CDH13: variants seen among roughly 807,000 people sequenced by gnomAD.
CDH13 encodes cadherin-13.
In CDH13, 24 loss-of-function variants were observed where a neutral mutation model predicts 63.8. That is an observed-to-expected ratio of 0.38 (90% CI 0.27 to 0.53). The LOEUF (loss-of-function observed/expected upper bound fraction) is 0.53, where lower values mean the gene tolerates loss of function less well. Among genes scored for constraint, CDH13 ranks in the 20% least tolerant of loss-of-function variants. The probability of loss-of-function intolerance (pLI) is 0.85; values close to 1 mark genes in which losing one functional copy is unlikely to be tolerated. For missense variants in CDH13, 1,049 were observed against 903.1 expected (o/e 1.16, Z -2.07); for synonymous variants, 503 against 355.3 (o/e 1.42, Z -4.67).
chr16:83,625,495 G>A (rs141132038), intron 8 of CDH13, among the ~76,000 whole-genome samples: 29 of 152,248 alleles, frequency 1.9e-4, no homozygotes, highest in African/African-American at 6.5e-4. Flanking sequence ...GCTGAGAGCC[G>A]AGCCTGTTAC....
intron 10 of CDH13, among the ~76,000 whole-genome samples, chr16:83,743,748 C>CCTTTTTTTTT (rs1912280138): frequency 3.9e-5 from 3 of 76,262 alleles, no homozygotes; most frequent in African/African-American, 1.7e-4. Flanking sequence ...TTTCTTTTTT[C>CCTTTTTTTTT]TTTTTTTTTT....
intron 7 of CDH13, among the ~76,000 whole-genome samples, chr16:83,556,968 C>A (rs143098177): frequency 1.1e-4 from 17 of 152,282 alleles, no homozygotes; most frequent in African/African-American, 4.1e-4. Flanking sequence ...CATAAGGGGT[C>A]CCCGACCCCC....
At chr16:83,742,274 C>T (rs1260855812) in intron 10 of CDH13, among the ~76,000 whole-genome samples, 2 of 152,290 alleles carry the variant, frequency 1.3e-5, no homozygotes, top group South Asian at 2.1e-4. Context: ...GCCCCAGTAA[C>T]CCCCACTGCG....
chr16:83,556,434 G>A (rs1413310635), intron 7 of CDH13, among the ~76,000 whole-genome samples: 2 of 152,174 alleles, frequency 1.3e-5, no homozygotes, highest in African/African-American at 2.4e-5. Context: ...CAAGCAGGAT[G>A]CAAAGCAGGA....
intron 1 of CDH13, among the ~76,000 whole-genome samples, chr16:82,760,490 A>T (rs1381554263): frequency 1.3e-5 from 2 of 152,074 alleles, no homozygotes; most frequent in Non-Finnish European, 2.9e-5. Flanking sequence ...GCATTACAAC[A>T]CCTTACTTTA....
At chr16:82,970,150 C>A (rs536833115) in intron 2 of CDH13, among the ~76,000 whole-genome samples, 4 of 152,000 alleles carry the variant, frequency 2.6e-5, no homozygotes, top group Non-Finnish European at 5.9e-5. Flanking sequence ...TATCGTTCAC[C>A]TCCCACTCAG....
At chr16:82,930,500 G>A (rs531370628) in intron 2 of CDH13, among the ~76,000 whole-genome samples, 6 of 151,988 alleles carry the variant, frequency 3.9e-5, no homozygotes, top group East Asian at 3.9e-4. Flanking sequence ...GTTTGTATAC[G>A]GATGCCAAAT....
chr16:83,069,864 A>T (rs2032306524), intron 3 of CDH13, among the ~76,000 whole-genome samples: 1 of 152,216 alleles, frequency 6.6e-6, no homozygotes, highest in Non-Finnish European at 1.5e-5. Flanking sequence ...GAGGAAAACA[A>T]ACCATTTGAA....
rs573640954 is a variant in CDH13, at chr16:83,267,796, C to G, written c.636+50299C>G. Among the ~76,000 whole-genome samples, 8 of 152,284 alleles carry G rather than the reference C, an allele frequency of 5.3e-5. 1 individual carries two copies. Among genetic ancestry groups the G allele is most frequent in the Middle Eastern group, 6.8e-3 (2 of 294 alleles). On this transcript the variant is annotated intron_variant, in intron 5 of 13. Coordinates refer to ENST00000567109, the MANE Select transcript of CDH13 (RefSeq NM_001257.5). ...TTTTTTTCATTAGAAATGACCCAGTCATTTTATTTAACAAGATATTATGTT... is the reference window on the plus strand; with the variant it reads ...TTTTTTTCATTAGAAATGACCCAGTGATTTTATTTAACAAGATATTATGTT...
intron 2 of CDH13, among the ~76,000 whole-genome samples, chr16:82,899,864 T>C (rs1404614930): frequency 6.6e-6 from 1 of 152,224 alleles, no homozygotes; most frequent in Non-Finnish European, 1.5e-5. Flanking sequence ...TTCTCCATAA[T>C]AGGCCCATGA....
intron 6 of CDH13, among the ~76,000 whole-genome samples, chr16:83,462,452 A>T (rs1279913290): frequency 6.6e-6 from 1 of 152,200 alleles, no homozygotes; most frequent in East Asian, 1.9e-4. Flanking sequence ...AGGTGGTGAG[A>T]TCAAGAAAGA....
chr16:82,789,186 T>C (rs1004853948), intron 1 of CDH13, among the ~76,000 whole-genome samples: 1 of 152,196 alleles, frequency 6.6e-6, no homozygotes, highest in Non-Finnish European at 1.5e-5. Flanking sequence ...GAAGGGCCAT[T>C]CTTGGTCATC....
chr16:82,834,847 G>T (rs2038698971), intron 1 of CDH13, among the ~76,000 whole-genome samples: 1 of 152,158 alleles, frequency 6.6e-6, no homozygotes, highest in Non-Finnish European at 1.5e-5. Flanking sequence ...AGCTAAAATG[G>T]TTTTTACATT....
intron 7 of CDH13, among the ~76,000 whole-genome samples, chr16:83,574,145 A>G: frequency 6.6e-6 from 1 of 152,160 alleles, no homozygotes; most frequent in Non-Finnish European, 1.5e-5. Flanking sequence ...TGAGAGAGAT[A>G]AGTGCCTGGG....
chr16:82,940,293 C>T (rs988763647), intron 2 of CDH13, among the ~76,000 whole-genome samples: 1 of 152,116 alleles, frequency 6.6e-6, no homozygotes, highest in African/African-American at 2.4e-5. Context: ...TATTCCCTTG[C>T]AGAATCTCAG....
At chr16:82,996,904 T>C (rs1294335494) in intron 2 of CDH13, among the ~76,000 whole-genome samples, 1 of 151,866 alleles carries the variant, frequency 6.6e-6, no homozygotes. Flanking sequence ...ATGGCGGTGA[T>C]GGTGATGTTG....
At chr16:82,765,635 AT>A (rs397976467) in intron 1 of CDH13, among the ~76,000 whole-genome samples, 3 of 152,140 alleles carry the variant, frequency 2.0e-5, no homozygotes, top group African/African-American at 7.2e-5. Context: ...TAAGTGTATA[AT>A]TTTTTATACT....
At position 83,400,968 on chromosome 16, in the gene CDH13, C is replaced by G. The variant is rs193012866; in HGVS notation, c.781+55962C>G. Among the ~76,000 whole-genome samples, 276 of 149,352 alleles carry G rather than the reference C, an allele frequency of 1.8e-3. 5 individuals carry two copies. The East Asian group carries it at 0.048, about 26-fold the overall frequency. On this transcript the variant is annotated intron_variant, in intron 6 of 13. Transcript: ENST00000567109. ...CCAGTAATCCAAGCACTTTGGCAGA[C>G]GGAGGTGAAGGGATCACTTGAGGCC...
chr16:83,097,080 G>A (rs1281489295), intron 3 of CDH13, among the ~76,000 whole-genome samples: 2 of 152,066 alleles, frequency 1.3e-5, no homozygotes, highest in African/African-American at 4.8e-5. Flanking sequence ...TGTGTACTGT[G>A]GACAAGTTGC....
Sources: gnomAD v4.1 joint callset for allele counts (sites outside exome capture counted in the v4.1 genomes callset) on GRCh38, gnomAD v4.1.1 for gene constraint, MANE v1.5 for transcripts, NCBI Gene and HGNC (gene_info 2026-07-23, HGNC 2026-07-21) for gene names.